The following PLA2G7 variants were observed in gnomAD, a reference collection of about 807,000 sequenced individuals.
PLA2G7 encodes the protein phospholipase A2 group VII.
Under a neutral mutation model 49.6 loss-of-function variants are expected in PLA2G7, and 63 were observed. The ratio of observed to expected loss-of-function variants is 1.27; its 90% confidence interval spans 1.04 to 1.57. PLA2G7 has a LOEUF of 1.57. Among genes scored for constraint, PLA2G7 ranks in the 40% most tolerant of loss-of-function variants. PLA2G7 has a pLI of 0.00. For synonymous variants in PLA2G7, 193 were observed against 169.9 expected (o/e 1.14, Z -1.06); for missense variants, 596 against 521.2 (o/e 1.14, Z -1.40).
At chr6:46,724,505 G>C (rs949373974) in intron 1 of PLA2G7, among the ~76,000 whole-genome samples, 3 of 152,230 alleles carry the variant, frequency 2.0e-5, no homozygotes, top group African/African-American at 7.2e-5. Flanking sequence ...TAATATAGAT[G>C]TGTGGCACAG....
intron 2 of PLA2G7, among the ~76,000 whole-genome samples, chr6:46,720,554 A>G (rs1451098659): frequency 6.6e-6 from 1 of 152,176 alleles, no homozygotes; most frequent in African/African-American, 2.4e-5. Flanking sequence ...CAGGCTCCAT[A>G]GCCTACAGCT....
intron 1 of PLA2G7, among the ~76,000 whole-genome samples, chr6:46,731,844 C>A (rs961361341): frequency 6.6e-6 from 1 of 151,994 alleles, no homozygotes; most frequent in Non-Finnish European, 1.5e-5. Flanking sequence ...ATGGGAAATT[C>A]GAGACAGAGA....
At chr6:46,715,665 A>T (rs1765177151) in intron 4 of PLA2G7, among the ~76,000 whole-genome samples, 1 of 152,232 alleles carries the variant, frequency 6.6e-6, no homozygotes, top group African/African-American at 2.4e-5. Flanking sequence ...TTTATAAATT[A>T]TTTTGCAACA....
At chr6:46,716,207 G>T (rs141209330) in intron 4 of PLA2G7, among the ~76,000 whole-genome samples, 177 bp downstream of exon 4, 1 of 151,796 alleles carries the variant, frequency 6.6e-6, no homozygotes, top group Admixed American at 6.6e-5. Context: ...TGGACAAAAT[G>T]AGAACCTTGA....
rs746017316 is a variant in PLA2G7, at chr6:46,709,312, A to C, written c.869+15T>G. On this transcript the variant is annotated intron_variant, in intron 9 of 11. Coordinates refer to ENST00000274793, the MANE Select transcript of PLA2G7 (RefSeq NM_005084.4). ...TAATTTACTATTCTCTTGCTTTACT[A>C]TCTTATTTTCTTACCTGAATCTCTG... 1.1e-5 allele frequency: 15 copies of C among 1,388,950 alleles called. No individual in the cohort carries two copies. Among genetic ancestry groups the C allele is most frequent in the Middle Eastern group, 1.8e-4 (1 of 5,688 alleles). The allele number at this position is 1,388,950 out of a possible 1,614,324, so 86.0% of individuals were successfully genotyped here.
At chr6:46,722,328 T>A (rs1448243448) in intron 2 of PLA2G7, among the ~76,000 whole-genome samples, 1 of 152,232 alleles carries the variant, frequency 6.6e-6, no homozygotes, top group Admixed American at 6.5e-5. Context: ...TTATCTCACA[T>A]GACTTTCCAC....
At chr6:46,720,841 T>C (rs550603721) in intron 2 of PLA2G7, among the ~76,000 whole-genome samples, 2 of 152,362 alleles carry the variant, frequency 1.3e-5, no homozygotes, top group Admixed American at 6.5e-5. Flanking sequence ...ACTGTATACA[T>C]GCTAGGACAA....
chr6:46,722,460 A>C (rs541538071), intron 2 of PLA2G7, among the ~76,000 whole-genome samples: 1 of 152,222 alleles, frequency 6.6e-6, no homozygotes, highest in South Asian at 2.1e-4. Flanking sequence ...TTGTGTGGGC[A>C]TGCGTTAGGG....
At chr6:46,728,005 C>A (rs1283994855) in intron 1 of PLA2G7, among the ~76,000 whole-genome samples, 1 of 152,136 alleles carries the variant, frequency 6.6e-6, no homozygotes, top group Non-Finnish European at 1.5e-5. Context: ...AAAATTTTTA[C>A]AGCAGCAATA....
rs1219384881 is a variant in PLA2G7, at chr6:46,704,466, TCTCTCTCTCTCTCA to T, written c.*80_*93del. ...TTCTCTCTCTCTCTCTCTCTCTCTC[TCTCTCTCTCTCTCA>T]CACACACACACACACACACACACAC... is the stretch of plus-strand genomic sequence containing the variant. On this transcript the variant is annotated 3_prime_UTR_variant, in exon 12 of 12. Coordinates refer to ENST00000274793, the MANE Select transcript of PLA2G7 (RefSeq NM_005084.4). 5.8e-3 allele frequency: 2,913 copies of T among 498,448 alleles called. No homozygotes were observed. The highest frequency in any genetic ancestry group is 7.1e-3 in the Non-Finnish European group (2,003 of 281,256). The allele number at this position is 498,448 out of a possible 1,614,324, so 30.9% of individuals were successfully genotyped here. A position where few individuals can be genotyped will look rare whatever the true frequency, so the allele number is the denominator to read the frequency against.
At position 46,708,821 on chromosome 6, in the gene PLA2G7, T is replaced by A. The variant is rs1764914269; in HGVS notation, c.869+506A>T. On this transcript the variant is annotated intron_variant, in intron 9 of 11. Transcript: ENST00000274793. ...TCTCTGTACGGTTGGTTCTATGTGA[T>A]CTCATCAGTCTGGAATGAAGGTTTA... Among the ~76,000 whole-genome samples the A allele has an allele frequency of 2.6e-5, 4 of 152,214 alleles. No homozygotes were observed. In the South Asian group the frequency reaches 8.3e-4, roughly 32 times the overall value.
chr6:46,730,013 T>C (rs1419888384), intron 1 of PLA2G7, among the ~76,000 whole-genome samples: 3 of 152,338 alleles, frequency 2.0e-5, no homozygotes, highest in South Asian at 4.1e-4. Flanking sequence ...ATGACAAAAG[T>C]ATGACATCAT....
At chr6:46,707,635 T>C (rs530116816) in intron 10 of PLA2G7, among the ~76,000 whole-genome samples, 1 of 152,300 alleles carries the variant, frequency 6.6e-6, no homozygotes, top group Admixed American at 6.5e-5. Context: ...ATTGTAAGTT[T>C]CCTGAGGCCT....
intron 10 of PLA2G7, among the ~76,000 whole-genome samples, chr6:46,706,680 T>C (rs563325316): frequency 4.6e-5 from 7 of 152,278 alleles, no homozygotes; most frequent in Admixed American, 4.6e-4. Context: ...ATGACTAATA[T>C]TGGCTATTCT....
chr6:46,705,190 G>C lies in PLA2G7; in HGVS notation c.1152C>G (p.Ser384Arg), dbSNP rs138627259. ...DIDSNVAIDL[S>R]NKASLAFLQK... ...GTAAGAATGCTAATGAAGCTTTGTTGCTAAGATCAATAGCTACATTTGAAT... is the reference window on the plus strand; with the variant it reads ...GTAAGAATGCTAATGAAGCTTTGTTCCTAAGATCAATAGCTACATTTGAAT... Residue 384 changes from serine (S) to arginine (R), a missense_variant, in exon 11 of 12, where the codon AGC (serine) becomes AGG (arginine). Physicochemically the swap from Ser to Arg is moderately radical, Grantham distance 110. Transcript: ENST00000274793. 1.9e-6 allele frequency: 3 copies of C among 1,608,572 alleles called. No homozygotes were observed. Among genetic ancestry groups the C allele is most frequent in the Non-Finnish European group, 2.6e-6 (3 of 1,175,240 alleles).
intron 1 of PLA2G7, among the ~76,000 whole-genome samples, chr6:46,724,252 T>G (rs766744949): frequency 6.6e-6 from 1 of 152,230 alleles, no homozygotes; most frequent in South Asian, 2.1e-4. Flanking sequence ...ATTTGTTAGT[T>G]GTTTATCACC....
In PLA2G7 at chr6:46,721,072, G is replaced by C. The variant is rs190319469; in HGVS notation, c.109+1711C>G. On this transcript the variant is annotated intron_variant, in intron 2 of 11. Transcript: ENST00000274793. ...TTTGTTTGTTTTGAGACAGAGTCTC[G>C]CTCTGTAGCCCAGGCTGGAGTGCAG... Among the ~76,000 whole-genome samples the C allele has an allele frequency of 1.6e-3, 247 of 152,040 alleles. 1 individual carries two copies. Among genetic ancestry groups the C allele is most frequent in the African/African-American group, 5.4e-3 (224 of 41,458 alleles).
chr6:46,720,873 T>C (rs1272990101), intron 2 of PLA2G7, among the ~76,000 whole-genome samples: 1 of 152,220 alleles, frequency 6.6e-6, no homozygotes, highest in African/African-American at 2.4e-5. Context: ...TATGGCTTTA[T>C]GTCCTCCATT....
At chr6:46,710,749 C>T (rs45440699) in intron 7 of PLA2G7, 91 bp from the exon 8 acceptor site, 3 of 986,468 alleles carry the variant, frequency 3.0e-6, no homozygotes, top group Non-Finnish European at 3.2e-6. Context: ...TGGGAAAAAT[C>T]GTTGGTCAGT....
Sources: gnomAD v4.1 joint callset for allele counts (sites outside exome capture counted in the v4.1 genomes callset) on GRCh38, gnomAD v4.1.1 for gene constraint, MANE v1.5 for transcripts, NCBI Gene and HGNC (gene_info 2026-07-23, HGNC 2026-07-21) for gene names.